CSMD1: variants seen among roughly 807,000 people sequenced by gnomAD.
CSMD1 encodes the protein CUB and sushi domain-containing protein 1.
A neutral mutation model predicts 417.5 loss-of-function variants in CSMD1; 213 were observed. The observed-to-expected ratio is 0.51, with a 90% CI of 0.46 to 0.57. The LOEUF is 0.57. CSMD1 is among the 20% of genes least tolerant of loss of function. CSMD1 has a pLI of 0.00. For missense variants in CSMD1, 6,923 were observed against 4,529.7 expected (o/e 1.53, Z -15.17); for synonymous variants, 2,862 against 1,736.8 (o/e 1.65, Z -16.11).
intron 17 of CSMD1, among the ~76,000 whole-genome samples, chr8:3,388,611 G>A (rs1199789101): frequency 6.6e-6 from 1 of 152,176 alleles, no homozygotes; most frequent in African/African-American, 2.4e-5. Flanking sequence ...CATTGCATAT[G>A]TTTTATTTTT....
At chr8:3,550,209 G>A (rs1231423268) in intron 10 of CSMD1, among the ~76,000 whole-genome samples, 1 of 152,106 alleles carries the variant, frequency 6.6e-6, no homozygotes, top group Admixed American at 6.5e-5. Context: ...CCATCAGCAG[G>A]CATTCCAATG....
chr8:3,352,348 C>G (rs552336630), intron 21 of CSMD1, among the ~76,000 whole-genome samples: 2 of 152,246 alleles, frequency 1.3e-5, no homozygotes, highest in South Asian at 2.1e-4. Flanking sequence ...AACAAAAACA[C>G]AGAAGGTATA....
intron 6 of CSMD1, among the ~76,000 whole-genome samples, chr8:3,715,436 T>A (rs1035242745): frequency 2.6e-5 from 4 of 152,202 alleles, no homozygotes; most frequent in African/African-American, 9.6e-5. Flanking sequence ...ATTTTTCTCC[T>A]CTTCTGCATG....
At chr8:2,999,899 C>G in intron 53 of CSMD1, 59 bp downstream of exon 53, 1 of 1,479,770 alleles carries the variant, frequency 6.8e-7, no homozygotes, top group Non-Finnish European at 9.2e-7. Context: ...GACCTAATAA[C>G]AAAAGACAAT....
chr8:3,272,030 C>G (rs1214452523), intron 26 of CSMD1, among the ~76,000 whole-genome samples: 1 of 151,528 alleles, frequency 6.6e-6, no homozygotes, highest in African/African-American at 2.4e-5. Flanking sequence ...AATGGTAATG[C>G]CTAGGTTTTC....
intron 26 of CSMD1, among the ~76,000 whole-genome samples, chr8:3,268,660 G>C (rs998266782): frequency 6.6e-6 from 1 of 152,060 alleles, no homozygotes; most frequent in Non-Finnish European, 1.5e-5. Flanking sequence ...ATTTATTTCC[G>C]AATAACATGT....
chr8:3,799,353 C>T (rs1048354054), intron 5 of CSMD1, among the ~76,000 whole-genome samples: 2 of 149,368 alleles, frequency 1.3e-5, no homozygotes, highest in African/African-American at 4.9e-5. Flanking sequence ...CCCATTAACT[C>T]GTCAATTGCA....
At position 4,186,643 on chromosome 8, in the gene CSMD1, A is replaced by T. The variant is rs531755482; in HGVS notation, c.416-154544T>A. On this transcript the variant is annotated intron_variant, in intron 3 of 69. Transcript: ENST00000635120. Reference sequence around the variant, plus strand: ...CAGGGGCTAAGAGGCTATTATTTTTAGATGCCTCTATTTCCCCAAAATCAG... The same window carrying T: ...CAGGGGCTAAGAGGCTATTATTTTTTGATGCCTCTATTTCCCCAAAATCAG... 5.3e-5 allele frequency among the ~76,000 whole-genome samples: 8 copies of T among 152,268 alleles called. No homozygotes were observed. In the South Asian group the frequency reaches 1.7e-3, roughly 32 times the overall value.
rs571632594 is a variant in CSMD1, at chr8:3,926,496, T to C, written c.818+71407A>G. On this transcript the variant is annotated intron_variant, in intron 5 of 69. Transcript: ENST00000635120. ...GTGTTGCATTTCATTAGTATTTTAA[T>C]ACTAAATTCTTTATTATTTTTCACT... Among the ~76,000 whole-genome samples the C allele has an allele frequency of 7.9e-4, 120 of 152,078 alleles. 2 individuals are homozygous for C. Among genetic ancestry groups the C allele is most frequent in the African/African-American group, 2.4e-3 (100 of 41,548 alleles).
At chr8:3,843,363 T>A (rs979375309) in intron 5 of CSMD1, among the ~76,000 whole-genome samples, 1 of 152,220 alleles carries the variant, frequency 6.6e-6, no homozygotes, top group Non-Finnish European at 1.5e-5. Context: ...ATATTTATTG[T>A]GTGCTTACAG....
chr8:4,866,499 T>C (rs925309342), intron 1 of CSMD1, among the ~76,000 whole-genome samples: 1 of 151,978 alleles, frequency 6.6e-6, no homozygotes, highest in Admixed American at 6.6e-5. Flanking sequence ...TACTTTATGC[T>C]AGGTACTTTT....
chr8:4,964,874 T>G (rs1206911617), intron 1 of CSMD1, among the ~76,000 whole-genome samples: 2 of 152,154 alleles, frequency 1.3e-5, no homozygotes, highest in Non-Finnish European at 2.9e-5. Flanking sequence ...CCAGCTGTAT[T>G]TGATGGTTCT....
At chr8:4,576,911 G>C (rs1475463252) in intron 2 of CSMD1, among the ~76,000 whole-genome samples, 2 of 152,118 alleles carry the variant, frequency 1.3e-5, no homozygotes, top group African/African-American at 2.4e-5. Context: ...GGAATTAATA[G>C]AATGATTATT....
At chr8:3,908,293 C>T (rs1563199937) in intron 5 of CSMD1, among the ~76,000 whole-genome samples, 1 of 152,232 alleles carries the variant, frequency 6.6e-6, no homozygotes, top group East Asian at 1.9e-4. Context: ...CCCAACATCG[C>T]ATATATCATG....
chr8:3,875,199 G>A (rs1158869904), intron 5 of CSMD1, among the ~76,000 whole-genome samples: 1 of 152,148 alleles, frequency 6.6e-6, no homozygotes, highest in African/African-American at 2.4e-5. Context: ...GAGTGGAACA[G>A]TGAGGCCATT....
intron 40 of CSMD1, 33 bp downstream of exon 40, chr8:3,151,364 G>T: frequency 1.5e-6 from 2 of 1,375,894 alleles, no homozygotes; most frequent in South Asian, 1.2e-5. Flanking sequence ...TGAAAAAAAT[G>T]AACTTTTAGG....
chr8:3,265,504 G>T (rs1470230288), intron 26 of CSMD1, among the ~76,000 whole-genome samples: 1 of 152,146 alleles, frequency 6.6e-6, no homozygotes, highest in Non-Finnish European at 1.5e-5. Flanking sequence ...GAGAACAGAA[G>T]GGGCTGGAGA....
intron 7 of CSMD1, among the ~76,000 whole-genome samples, chr8:3,659,968 G>A (rs1006921661): frequency 2.6e-5 from 4 of 152,130 alleles, no homozygotes; most frequent in South Asian, 2.1e-4. Flanking sequence ...AAACTTTTAA[G>A]AAGAAATCCA....
At chr8:3,058,327 T>C (rs987030755) in intron 49 of CSMD1, among the ~76,000 whole-genome samples, 3 of 152,222 alleles carry the variant, frequency 2.0e-5, no homozygotes, top group Non-Finnish European at 4.4e-5. Flanking sequence ...TCAACAGATC[T>C]GTGCATTCTG....
Sources: gnomAD v4.1 joint callset for allele counts (sites outside exome capture counted in the v4.1 genomes callset) on GRCh38, gnomAD v4.1.1 for gene constraint, MANE v1.5 for transcripts, NCBI Gene and HGNC (gene_info 2026-07-23, HGNC 2026-07-21) for gene names.